Variants in DBT observed in about 807,000 individuals in gnomAD.
The protein encoded by DBT is lipoamide acyltransferase component of branched-chain alpha-keto acid dehydrogenase complex, mitochondrial.
In DBT, 40 loss-of-function variants were observed where a neutral mutation model predicts 51.3. The observed-to-expected ratio is 0.78, with a 90% CI of 0.61 to 1.02. DBT has a LOEUF of 1.02. Ranked by LOEUF, DBT falls within the 50% of genes least tolerant of loss-of-function variation. The pLI is 0.00. For synonymous variants in DBT, 181 were observed against 190.4 expected, an observed-to-expected ratio of 0.95 and a Z score of 0.41; for missense variants, 510 against 580.2, an observed-to-expected ratio of 0.88 and a Z score of 1.24.
intron 10 of DBT, among the ~76,000 whole-genome samples, chr1:100,197,654 G>A (rs1299779242): frequency 2.0e-5 from 3 of 152,152 alleles, no homozygotes; most frequent in African/African-American, 7.2e-5. Flanking sequence ...GGGTAAAGGA[G>A]ACTTAGAGGG....
chr1:100,199,829 T>C (rs1406656233), intron 10 of DBT, among the ~76,000 whole-genome samples: 2 of 152,058 alleles, frequency 1.3e-5, no homozygotes, highest in East Asian at 3.9e-4. Context: ...AGGGAAGCCA[T>C]GAGGGACCGT....
intron 3 of DBT, among the ~76,000 whole-genome samples, chr1:100,233,709 G>A (rs1209412102): frequency 6.6e-6 from 1 of 152,164 alleles, no homozygotes; most frequent in Non-Finnish European, 1.5e-5. Flanking sequence ...ATAACCTGAC[G>A]CATCCAACCT....
At chr1:100,213,949 CAAAA>C (rs758614475) in intron 7 of DBT, among the ~76,000 whole-genome samples, 9 of 118,396 alleles carry the variant, frequency 7.6e-5, no homozygotes, top group East Asian at 4.6e-4. Flanking sequence ...AGATTCATAC[CAAAA>C]AAAAAAAAAA....
intron 10 of DBT, among the ~76,000 whole-genome samples, chr1:100,200,032 T>G (rs1418514912): frequency 6.6e-6 from 1 of 151,812 alleles, no homozygotes; most frequent in Non-Finnish European, 1.5e-5. Flanking sequence ...CAGTGATGCC[T>G]GGAACACCAG....
At chr1:100,226,551 T>C (rs1319367398) in intron 4 of DBT, among the ~76,000 whole-genome samples, 1 of 152,092 alleles carries the variant, frequency 6.6e-6, no homozygotes, top group Non-Finnish European at 1.5e-5. Flanking sequence ...TCCCAAAATG[T>C]TAGGATTACT....
intron 1 of DBT, among the ~76,000 whole-genome samples, chr1:100,244,367 G>A (rs893526505): frequency 1.3e-5 from 2 of 152,164 alleles, no homozygotes; most frequent in East Asian, 1.9e-4. Flanking sequence ...TATAATGTCA[G>A]TATAAGGAGT....
chr1:100,222,868 T>C (rs1026784243), intron 4 of DBT, among the ~76,000 whole-genome samples: 1 of 152,142 alleles, frequency 6.6e-6, no homozygotes, highest in African/African-American at 2.4e-5. Flanking sequence ...CCAGTGTACC[T>C]AAAATAGGTG....
chr1:100,211,699 G>C (rs1221047178), intron 7 of DBT, among the ~76,000 whole-genome samples: 5 of 152,212 alleles, frequency 3.3e-5, no homozygotes. Flanking sequence ...GACAGGTTAA[G>C]AGAGTAGATC....
rs746043578 is a variant in DBT, at chr1:100,196,228, A to G, written c.*27T>C. ...GGTTTACATACTCTTTGGAAGCTCA[A>G]AAAGTTCAAGAATGTCTTATCAGTC... is the stretch of plus-strand genomic sequence containing the variant. On this transcript the variant is annotated 3_prime_UTR_variant, in exon 11 of 11. Transcript: ENST00000370132. 9 of 1,607,230 alleles carry G rather than the reference A, an allele frequency of 5.6e-6. No individual in the cohort carries two copies. Among genetic ancestry groups the G allele is most frequent in the South Asian group, 1.1e-5 (1 of 90,914 alleles).
intron 2 of DBT, among the ~76,000 whole-genome samples, chr1:100,237,288 A>C (rs1408952234): frequency 1.3e-5 from 2 of 152,150 alleles, no homozygotes; most frequent in East Asian, 3.9e-4. Flanking sequence ...CATGAGTGAG[A>C]CCATCTTGGA....
In DBT at chr1:100,190,297, A is replaced by G. The variant is rs1373641511; in HGVS notation, c.*5958T>C. 6.6e-6 allele frequency: 1 copy of G among 152,216 alleles called. No individual in the cohort carries two copies. The highest frequency in any genetic ancestry group is 2.4e-5 in the African/African-American group (1 of 41,466). 9.4% of individuals were successfully genotyped at this position (152,216 alleles called of 1,614,324 possible). Reference sequence around the variant, plus strand: ...GGGTGCATGTTGGAGGGGAAGAGATAGAATATGAAGAATCTCTTGAGAAGT... The same window carrying G: ...GGGTGCATGTTGGAGGGGAAGAGATGGAATATGAAGAATCTCTTGAGAAGT... On this transcript the variant is annotated 3_prime_UTR_variant, in exon 11 of 11. Transcript: ENST00000370132.
At chr1:100,229,557 C>G (rs1333487609) in intron 4 of DBT, among the ~76,000 whole-genome samples, 1 of 152,104 alleles carries the variant, frequency 6.6e-6, no homozygotes, top group Admixed American at 6.6e-5. Flanking sequence ...ATAAATTATA[C>G]CATGTGATTC....
At chr1:100,248,752 C>T (rs1664709056) in intron 1 of DBT, among the ~76,000 whole-genome samples, 1 of 152,140 alleles carries the variant, frequency 6.6e-6, no homozygotes, top group Non-Finnish European at 1.5e-5. Context: ...CTGAGAAGAG[C>T]TCTCTTCTCC....
intron 7 of DBT, among the ~76,000 whole-genome samples, chr1:100,212,255 T>C (rs999145106): frequency 1.3e-5 from 2 of 152,206 alleles, no homozygotes; most frequent in Non-Finnish European, 2.9e-5. Flanking sequence ...TCTACAATAC[T>C]GTGTAGTATT....
At chr1:100,216,894 A>C (rs1293096356) in intron 5 of DBT, among the ~76,000 whole-genome samples, 1 of 152,202 alleles carries the variant, frequency 6.6e-6, no homozygotes, top group Non-Finnish European at 1.5e-5. Flanking sequence ...CCTCATATAT[A>C]GTATGTATTA....
chr1:100,196,444 A>G, intron 10 of DBT, 22 bp from the exon 11 acceptor site: 2 of 1,484,238 alleles, frequency 1.3e-6, no homozygotes, highest in Non-Finnish European at 1.8e-6. Flanking sequence ...AAAAAAAAAA[A>G]AAAAAAAAAA....
chr1:100,219,055 T>G (rs1662673317), intron 4 of DBT, among the ~76,000 whole-genome samples: 1 of 152,088 alleles, frequency 6.6e-6, no homozygotes, highest in Non-Finnish European at 1.5e-5. Flanking sequence ...CTCAAGAAAT[T>G]TTAAAATGTG....
intron 3 of DBT, among the ~76,000 whole-genome samples, chr1:100,234,910 A>AC (rs1219025708): frequency 6.6e-6 from 1 of 152,192 alleles, no homozygotes; most frequent in Non-Finnish European, 1.5e-5. Flanking sequence ...CTTAACTGCC[A>AC]CTTCTAAAAA....
chr1:100,249,534 G>C (rs1175199082), intron 1 of DBT, among the ~76,000 whole-genome samples: 1 of 152,218 alleles, frequency 6.6e-6, no homozygotes, highest in African/African-American at 2.4e-5. Flanking sequence ...GGTACAGATG[G>C]AGCAGGACGG....
Sources: allele counts gnomAD v4.1 joint callset (sites outside exome capture counted in the v4.1 genomes callset), GRCh38; gene constraint gnomAD v4.1.1; transcripts MANE v1.5; gene names NCBI Gene and HGNC (gene_info 2026-07-23, HGNC 2026-07-21).